The following ASIC2 variants were observed in gnomAD, a reference collection of about 807,000 sequenced individuals.
The protein encoded by ASIC2 is acid-sensing ion channel 2.
Under a neutral mutation model 57.3 loss-of-function variants are expected in ASIC2, and 25 were observed. The ratio of observed to expected loss-of-function variants is 0.44; its 90% CI spans 0.32 to 0.61. The LOEUF (loss-of-function observed/expected upper bound fraction) is 0.61. Ranked by LOEUF, ASIC2 falls within the 20% of genes least tolerant of loss-of-function variation. The pLI, the probability that ASIC2 is intolerant of heterozygous loss-of-function variation, is 0.06. For synonymous variants in ASIC2, 319 were observed against 307.5 expected, an observed-to-expected ratio of 1.04 and a Z score of -0.39; for missense variants, 641 against 738.1, an observed-to-expected ratio of 0.87 and a Z score of 1.52.
chr17:34,094,042 G>T (rs1910428263), intron 1 of ASIC2, among the ~76,000 whole-genome samples: 1 of 152,122 alleles, frequency 6.6e-6, no homozygotes, highest in South Asian at 2.1e-4. Context: ...ACCTGAAAGT[G>T]GATATTGACA....
chr17:33,470,233 CAATG>C (rs1474314280), intron 1 of ASIC2, among the ~76,000 whole-genome samples: 5 of 152,118 alleles, frequency 3.3e-5, no homozygotes, highest in African/African-American at 1.2e-4. Flanking sequence ...GGTCTTAAAC[CAATG>C]GACAAGTCTC....
chr17:33,410,085 C>T (rs923779300), intron 1 of ASIC2, among the ~76,000 whole-genome samples: 3 of 152,174 alleles, frequency 2.0e-5, no homozygotes, highest in African/African-American at 7.2e-5. Flanking sequence ...GCCTAGGAGC[C>T]AGCTTCAAAG....
At chr17:33,030,928 T>C (rs917978346) in intron 3 of ASIC2, among the ~76,000 whole-genome samples, 1 of 152,060 alleles carries the variant, frequency 6.6e-6, no homozygotes, top group South Asian at 2.1e-4. Context: ...CTTGTGGAGG[T>C]TTTTTGCATC....
At position 33,019,670 on chromosome 17, in the gene ASIC2, A is replaced by C. The variant is rs115945224; in HGVS notation, c.1441+1549T>G. 3.2e-3 allele frequency among the ~76,000 whole-genome samples: 482 copies of C among 152,242 alleles called. 2 individuals carry two copies. Among genetic ancestry groups the C allele is most frequent in the African/African-American group, 0.011 (454 of 41,526 alleles). ...CACACGCTCTCATCACAGGAGGTCC[A>C]GATGGCAGCATGAGCTCCTCAGCCG... On this transcript the variant is annotated intron_variant, in intron 7 of 9. Transcript: ENST00000225823.
At chr17:33,771,105 T>A (rs916755621) in intron 1 of ASIC2, among the ~76,000 whole-genome samples, 2 of 152,148 alleles carry the variant, frequency 1.3e-5, no homozygotes, top group Non-Finnish European at 2.9e-5. Flanking sequence ...AGGGTAAGAA[T>A]AAAACTACAT....
At chr17:33,419,255 C>T (rs1158074564) in intron 1 of ASIC2, among the ~76,000 whole-genome samples, 2 of 152,204 alleles carry the variant, frequency 1.3e-5, no homozygotes, top group East Asian at 3.9e-4. Context: ...TGGGTCTCCT[C>T]TCTATCTTGG....
At chr17:34,091,506 A>G (rs555791868) in intron 1 of ASIC2, among the ~76,000 whole-genome samples, 1 of 152,326 alleles carries the variant, frequency 6.6e-6, no homozygotes, top group African/African-American at 2.4e-5. Flanking sequence ...TGCAGCCAGG[A>G]ACTGGGGAGT....
At chr17:33,811,376 C>A (rs1046540357) in intron 1 of ASIC2, among the ~76,000 whole-genome samples, 1 of 152,246 alleles carries the variant, frequency 6.6e-6, no homozygotes, top group Non-Finnish European at 1.5e-5. Flanking sequence ...GAACAAACAA[C>A]TCGTCTTAGA....
chr17:33,650,856 C>T (rs966173660), intron 1 of ASIC2, among the ~76,000 whole-genome samples: 1 of 152,112 alleles, frequency 6.6e-6, no homozygotes, highest in Non-Finnish European at 1.5e-5. Context: ...GGGGCTGTGG[C>T]TATAAAAGGG....
intron 1 of ASIC2, among the ~76,000 whole-genome samples, chr17:33,277,467 G>T (rs1904751355): frequency 1.3e-5 from 2 of 152,296 alleles, no homozygotes; most frequent in South Asian, 4.1e-4. Flanking sequence ...GCACCACATG[G>T]TTATCATGAA....
chr17:33,037,721 T>C (rs1331474731), intron 3 of ASIC2, among the ~76,000 whole-genome samples: 1 of 152,134 alleles, frequency 6.6e-6, no homozygotes, highest in Non-Finnish European at 1.5e-5. Context: ...ATACGGAACG[T>C]GGGATGATAA....
chr17:33,460,774 A>C (rs1463155562), intron 1 of ASIC2, among the ~76,000 whole-genome samples: 1 of 152,206 alleles, frequency 6.6e-6, no homozygotes, highest in Non-Finnish European at 1.5e-5. Flanking sequence ...AGGTGAGAAA[A>C]CTGAGCCACA....
At chr17:33,367,511 AG>A (rs1908858771) in intron 1 of ASIC2, among the ~76,000 whole-genome samples, 1 of 152,160 alleles carries the variant, frequency 6.6e-6, no homozygotes, top group Non-Finnish European at 1.5e-5. Context: ...TTGCCAAGGG[AG>A]GGGCAACTGC....
intron 1 of ASIC2, among the ~76,000 whole-genome samples, chr17:33,876,623 G>C (rs557897087): frequency 6.6e-6 from 1 of 152,220 alleles, no homozygotes; most frequent in African/African-American, 2.4e-5. Context: ...TCACATAAAA[G>C]TTAAGAAGCC....
intron 1 of ASIC2, among the ~76,000 whole-genome samples, chr17:33,799,420 TTTCTTTCTTC>T (rs1912039600): frequency 2.7e-5 from 2 of 73,418 alleles, no homozygotes; most frequent in African/African-American, 1.1e-4. Context: ...TCTTTCTTTC[TTTCTTTCTTC>T]TTTCTTTCTT....
At chr17:33,535,274 CT>C (rs1312834562) in intron 1 of ASIC2, among the ~76,000 whole-genome samples, 13,981 of 138,356 alleles carry the variant, frequency 0.1, 740 homozygotes, top group Non-Finnish European at 0.15. Context: ...AATGTCGCTT[CT>C]TTTTTTTTTT....
At chr17:33,023,412 C>T (rs2091845935) in intron 6 of ASIC2, among the ~76,000 whole-genome samples, 1 of 151,794 alleles carries the variant, frequency 6.6e-6, no homozygotes, top group African/African-American at 2.4e-5. Flanking sequence ...ATGGTTTGAA[C>T]CCAGGAGATG....
chr17:33,725,783 C>T (rs1027381297), intron 1 of ASIC2, among the ~76,000 whole-genome samples: 5 of 143,660 alleles, frequency 3.5e-5, no homozygotes, highest in African/African-American at 1.2e-4. Context: ...CTGGCGACCT[C>T]GCCCCACTCT....
intron 2 of ASIC2, among the ~76,000 whole-genome samples, chr17:33,096,262 A>G (rs1242427662): frequency 6.6e-6 from 1 of 152,228 alleles, no homozygotes; most frequent in Non-Finnish European, 1.5e-5. Context: ...CAAGACCCAG[A>G]GCTGGAGCCT....
Sources: gnomAD v4.1 joint callset for allele counts (sites outside exome capture counted in the v4.1 genomes callset) on GRCh38, gnomAD v4.1.1 for gene constraint, MANE v1.5 for transcripts, NCBI Gene and HGNC (gene_info 2026-07-23, HGNC 2026-07-21) for gene names.